SIL1: variants seen among roughly 807,000 people sequenced by gnomAD.
The protein encoded by SIL1 is nucleotide exchange factor SIL1.
Under a neutral mutation model 49.1 loss-of-function variants are expected in SIL1, and 40 were observed. The observed-to-expected ratio is 0.81, with a 90% CI of 0.63 to 1.06. SIL1 has a LOEUF of 1.06. SIL1 is among the 50% of genes least tolerant of loss of function. The pLI, the probability that SIL1 is intolerant of heterozygous loss-of-function variation, is 0.00. For missense variants in SIL1, 500 were observed against 572.6 expected, an observed-to-expected ratio of 0.87 and a Z score of 1.29; for synonymous variants, 253 against 250.8, an observed-to-expected ratio of 1.01 and a Z score of -0.08.
At chr5:139,173,178 A>G (rs752778336) in intron 1 of SIL1, among the ~76,000 whole-genome samples, 1 of 152,346 alleles carries the variant, frequency 6.6e-6, no homozygotes, top group Middle Eastern at 3.4e-3. Flanking sequence ...TATAAATTCA[A>G]ATTACAGTGT....
intron 1 of SIL1, among the ~76,000 whole-genome samples, chr5:139,143,306 T>TATATACACAC (rs1462473659): frequency 8.1e-6 from 1 of 123,742 alleles, no homozygotes; most frequent in African/African-American, 3.5e-5. Context: ...TATACATATA[T>TATATACACAC]ACACACACAC....
rs536814355 is a variant in SIL1, at chr5:138,979,827, G to A, written c.768-27943C>T. ...GGAGCTGTAAAGAGTGAGAGAATGC[G>A]GTCTTCCACAAGAGCATGGGGGCAG... is the stretch of plus-strand genomic sequence containing the variant. On this transcript the variant is annotated intron_variant, in intron 7 of 9. Coordinates refer to ENST00000394817, the MANE Select transcript of SIL1 (RefSeq NM_022464.5). 8.5e-5 allele frequency among the ~76,000 whole-genome samples: 13 copies of A among 152,298 alleles called. No homozygotes were observed. In the South Asian group the frequency reaches 1.5e-3, roughly 17 times the overall value.
chr5:139,156,015 T>G (rs1751401935), intron 1 of SIL1, among the ~76,000 whole-genome samples: 1 of 152,114 alleles, frequency 6.6e-6, no homozygotes, highest in African/African-American at 2.4e-5. Flanking sequence ...GTATTTTCAG[T>G]AGAGACGGGG....
intron 7 of SIL1, among the ~76,000 whole-genome samples, chr5:138,962,028 T>C (rs752377929): frequency 6.6e-6 from 1 of 151,238 alleles, no homozygotes; most frequent in Non-Finnish European, 1.5e-5. Flanking sequence ...GCCCTTCTCC[T>C]TATTGCTTCC....
At chr5:139,091,976 T>C (rs1770352761) in intron 3 of SIL1, among the ~76,000 whole-genome samples, 1 of 152,186 alleles carries the variant, frequency 6.6e-6, no homozygotes, top group African/African-American at 2.4e-5. Flanking sequence ...GTGTGAGATC[T>C]TAGGCCATCT....
chr5:138,963,464 A>C (rs1189629943), intron 7 of SIL1, among the ~76,000 whole-genome samples: 1 of 152,238 alleles, frequency 6.6e-6, no homozygotes, highest in East Asian at 1.9e-4. Context: ...TTTATGAATG[A>C]GCCATCTCTT....
chr5:139,157,186 G>T (rs1486277687), intron 1 of SIL1, among the ~76,000 whole-genome samples: 4 of 152,340 alleles, frequency 2.6e-5, no homozygotes, highest in African/African-American at 9.6e-5. Context: ...GGTGTGGAGA[G>T]AAATAGTCCA....
chr5:138,988,491 A>G (rs180741604), intron 7 of SIL1, among the ~76,000 whole-genome samples: 5 of 152,376 alleles, frequency 3.3e-5, no homozygotes, highest in Non-Finnish European at 7.3e-5. Flanking sequence ...TCGTTTAAAC[A>G]ATAAATTTTG....
At chr5:139,024,111 T>C (rs1443849036) in intron 6 of SIL1, among the ~76,000 whole-genome samples, 1 of 152,168 alleles carries the variant, frequency 6.6e-6, no homozygotes, top group Non-Finnish European at 1.5e-5. Flanking sequence ...CCAGGTATGA[T>C]AAGCTCTCCA....
chr5:139,182,434 A>G (rs1752007513), intron 1 of SIL1, among the ~76,000 whole-genome samples: 1 of 152,218 alleles, frequency 6.6e-6, no homozygotes, highest in Admixed American at 6.5e-5. Flanking sequence ...ATGGGTACTC[A>G]GCAAATAATG....
chr5:139,175,235 T>C (rs1045043564), intron 1 of SIL1, among the ~76,000 whole-genome samples: 32 of 152,000 alleles, frequency 2.1e-4, no homozygotes, highest in Non-Finnish European at 4.1e-4. Flanking sequence ...GGCAGGAGAA[T>C]TGCTTGAAGC....
chr5:139,193,424 T>C lies in SIL1; in HGVS notation c.-11+4845A>G, dbSNP rs116916021. On this transcript the variant is annotated intron_variant, in intron 1 of 9. Transcript: ENST00000394817. ...ACTACTAAATAACACAAAAATTAGTTGGGCATGGTGGTGGGCGCCTATAAT... is the reference window on the plus strand; with the variant it reads ...ACTACTAAATAACACAAAAATTAGTCGGGCATGGTGGTGGGCGCCTATAAT... Among the ~76,000 whole-genome samples the C allele has an allele frequency of 5.0e-3, 753 of 152,002 alleles. 14 individuals are homozygous for C. The highest frequency in any genetic ancestry group is 0.025 in the East Asian group (127 of 5,162).
At position 138,946,940 on chromosome 5, in the gene SIL1, C is replaced by G. The variant is rs188026285; in HGVS notation, c.*177G>C. On this transcript the variant is annotated 3_prime_UTR_variant, in exon 10 of 10. Transcript: ENST00000394817. ...TCACCCAACCACTCACCTGACCCCC[C>G]GGCCACAGGGCTGTGCCCAGTCTAC... is the stretch of plus-strand genomic sequence containing the variant. The G allele has an allele frequency of 4.6e-6, 3 of 645,674 alleles. No homozygotes were observed. Among genetic ancestry groups the G allele is most frequent in the Non-Finnish European group, 5.6e-6 (2 of 355,626 alleles). 40.0% of individuals were successfully genotyped at this position (645,674 alleles called of 1,614,324 possible).
intron 7 of SIL1, among the ~76,000 whole-genome samples, chr5:139,004,047 C>A (rs997069925): frequency 6.6e-6 from 1 of 152,212 alleles, no homozygotes; most frequent in African/African-American, 2.4e-5. Flanking sequence ...TTATATCAAA[C>A]AGAGCCTAGT....
intron 3 of SIL1, among the ~76,000 whole-genome samples, chr5:139,112,730 T>G (rs2151789106): frequency 6.6e-6 from 1 of 151,146 alleles, no homozygotes; most frequent in Admixed American, 6.6e-5. Flanking sequence ...GGGGGGCGCC[T>G]CTGCCCGGCC....
At chr5:139,105,432 A>G (rs1770678283) in intron 3 of SIL1, among the ~76,000 whole-genome samples, 1 of 152,178 alleles carries the variant, frequency 6.6e-6, no homozygotes, top group South Asian at 2.1e-4. Flanking sequence ...ATAACTATAA[A>G]TCAATCCCTC....
intron 1 of SIL1, among the ~76,000 whole-genome samples, chr5:139,164,165 A>T (rs1041301769): frequency 6.6e-6 from 1 of 152,002 alleles, no homozygotes; most frequent in Non-Finnish European, 1.5e-5. Flanking sequence ...CAGATAAAGT[A>T]ACCAAAGTTC....
At chr5:139,115,157 T>C (rs1770961081) in intron 3 of SIL1, among the ~76,000 whole-genome samples, 1 of 152,150 alleles carries the variant, frequency 6.6e-6, no homozygotes, top group Non-Finnish European at 1.5e-5. Flanking sequence ...GAGGGTCACC[T>C]GCCTCCCAAC....
At chr5:139,035,288 T>C (rs1768877087) in intron 5 of SIL1, 1 of 520,488 alleles carries the variant, frequency 1.9e-6, no homozygotes, top group Non-Finnish European at 3.8e-6. Context: ...TGGCTAAAGA[T>C]TGGTGCCGCA....
Sources: allele counts gnomAD v4.1 joint callset (sites outside exome capture counted in the v4.1 genomes callset), GRCh38; gene constraint gnomAD v4.1.1; transcripts MANE v1.5; gene names NCBI Gene and HGNC (gene_info 2026-07-23, HGNC 2026-07-21).